MAGI2: variants seen among roughly 807,000 people sequenced by gnomAD.
MAGI2 encodes membrane-associated guanylate kinase, WW and PDZ domain-containing protein 2.
Under a neutral mutation model 133.3 loss-of-function variants are expected in MAGI2, and 35 were observed. That is an observed-to-expected ratio of 0.26 (90% confidence interval 0.20 to 0.35). MAGI2 has a LOEUF of 0.35. MAGI2 is among the 10% of genes least tolerant of loss of function. The pLI is 1.00. For missense variants in MAGI2, 1,636 were observed against 1,863.4 expected (o/e 0.88, Z 2.25); for synonymous variants, 729 against 710.6 (o/e 1.03, Z -0.41).
chr7:78,324,891 G>A (rs146571741), intron 9 of MAGI2, among the ~76,000 whole-genome samples: 2,143 of 152,184 alleles, frequency 0.014, 65 homozygotes, highest in African/African-American at 0.049. Context: ...GCTTGAACCC[G>A]GGAGGCAGAG....
chr7:79,157,677 A>G (rs975680335), intron 1 of MAGI2, among the ~76,000 whole-genome samples: 5 of 152,046 alleles, frequency 3.3e-5, no homozygotes, highest in Admixed American at 1.3e-4. Flanking sequence ...GAGTTTGTAT[A>G]AAATGGAAGT....
In MAGI2 at chr7:78,973,796, C is replaced by T. The variant is rs575766184; in HGVS notation, c.418+33294G>A. Among the ~76,000 whole-genome samples, 24 of 151,912 alleles carry T rather than the reference C, an allele frequency of 1.6e-4. No individual in the cohort carries two copies. In the South Asian group the frequency reaches 4.8e-3, roughly 30 times the overall value. ...GCTGTATGCTCGTAGCTTGAAATCA[C>T]AGATTGCAAGGCATTTCTCAATTTT... On this transcript the variant is annotated intron_variant, in intron 2 of 21. Transcript: ENST00000354212.
intron 1 of MAGI2, among the ~76,000 whole-genome samples, chr7:79,327,315 C>A (rs1361734407): frequency 6.6e-6 from 1 of 152,142 alleles, no homozygotes; most frequent in Non-Finnish European, 1.5e-5. Context: ...AGCATATAAA[C>A]TCTTCTCTTA....
intron 2 of MAGI2, among the ~76,000 whole-genome samples, chr7:78,987,500 T>C (rs111501274): frequency 4.3e-4 from 65 of 152,156 alleles, no homozygotes; most frequent in African/African-American, 1.5e-3. Flanking sequence ...TAAAAAACAC[T>C]GTGGTACTTT....
chr7:79,096,864 A>G (rs1288411868), intron 1 of MAGI2, among the ~76,000 whole-genome samples: 2 of 152,166 alleles, frequency 1.3e-5, no homozygotes, highest in African/African-American at 2.4e-5. Context: ...ACTCCAGATG[A>G]TCCCAAACTA....
chr7:78,966,935 T>C (rs1045560987), intron 2 of MAGI2, among the ~76,000 whole-genome samples: 1 of 151,724 alleles, frequency 6.6e-6, no homozygotes, highest in African/African-American at 2.4e-5. Context: ...TGTCTCTTTT[T>C]ATTTATTTTT....
At chr7:79,338,099 C>T (rs1840575047) in intron 1 of MAGI2, among the ~76,000 whole-genome samples, 1 of 152,098 alleles carries the variant, frequency 6.6e-6, no homozygotes, top group Admixed American at 6.6e-5. Context: ...AATACTTTTG[C>T]ACTTTTGGAT....
intron 3 of MAGI2, among the ~76,000 whole-genome samples, chr7:78,585,059 A>G (rs1398785633): frequency 1.3e-5 from 2 of 152,186 alleles, no homozygotes; most frequent in Non-Finnish European, 2.9e-5. Context: ...CTATTTTCAC[A>G]TAGGATAAAA....
intron 2 of MAGI2, among the ~76,000 whole-genome samples, chr7:78,733,579 C>G (rs537222177): frequency 1.3e-5 from 2 of 152,106 alleles, no homozygotes; most frequent in East Asian, 3.9e-4. Flanking sequence ...TCAGTGAAAT[C>G]AATAATTTAT....
chr7:79,252,468 T>C (rs965743939), intron 1 of MAGI2, among the ~76,000 whole-genome samples: 3 of 151,146 alleles, frequency 2.0e-5, no homozygotes, highest in African/African-American at 7.3e-5. Flanking sequence ...GTGAGAGGAG[T>C]GGTAGGAAGG....
chr7:79,064,954 C>G (rs1814153538), intron 1 of MAGI2, among the ~76,000 whole-genome samples: 1 of 151,990 alleles, frequency 6.6e-6, no homozygotes, highest in Admixed American at 6.6e-5. Flanking sequence ...GTGTAATACC[C>G]TAATTATTGG....
chr7:78,173,506 A>T (rs1044118662), intron 14 of MAGI2, among the ~76,000 whole-genome samples: 1 of 152,190 alleles, frequency 6.6e-6, no homozygotes, highest in Admixed American at 6.5e-5. Flanking sequence ...GGGTCCAATA[A>T]ATTCAGAATT....
chr7:78,145,781 G>A (rs867462713), intron 16 of MAGI2, among the ~76,000 whole-genome samples: 4 of 152,252 alleles, frequency 2.6e-5, no homozygotes, highest in Middle Eastern at 3.4e-3. Flanking sequence ...GGACTAAGAT[G>A]GCTACCTCCT....
chr7:78,031,035 A>G (rs1340684581), intron 21 of MAGI2, among the ~76,000 whole-genome samples: 1 of 152,250 alleles, frequency 6.6e-6, no homozygotes, highest in Non-Finnish European at 1.5e-5. Context: ...CTCAGCTATG[A>G]GATGGAACAA....
intron 1 of MAGI2, among the ~76,000 whole-genome samples, chr7:79,133,204 T>C (rs1021470674): frequency 1.3e-5 from 2 of 152,226 alleles, no homozygotes; most frequent in African/African-American, 4.8e-5. Context: ...TTTGGTGTCT[T>C]AGTCATGAAT....
rs1283255899 is a variant in MAGI2, at chr7:78,591,703, C to G, written c.538+35417G>C. Among the ~76,000 whole-genome samples, 7 of 152,314 alleles carry G rather than the reference C, an allele frequency of 4.6e-5. No homozygotes were observed. The East Asian group carries it at 1.4e-3, about 29-fold the overall frequency. The stretch of plus-strand genomic sequence containing the variant: ...AATTGAGTCTGGCTCCTCACCCACT[C>G]TCCCTAAAATGAGGCCATCAATGTG... On this transcript the variant is annotated intron_variant, in intron 3 of 21. Coordinates refer to ENST00000354212, the MANE Select transcript of MAGI2 (RefSeq NM_012301.4).
At chr7:78,406,446 C>T (rs1355248541) in intron 6 of MAGI2, among the ~76,000 whole-genome samples, 1 of 151,934 alleles carries the variant, frequency 6.6e-6, no homozygotes, top group Non-Finnish European at 1.5e-5. Context: ...CATATTTTCC[C>T]CTTTGGACTA....
At chr7:79,038,336 T>C (rs1417919828) in intron 1 of MAGI2, among the ~76,000 whole-genome samples, 1 of 152,176 alleles carries the variant, frequency 6.6e-6, no homozygotes, top group Non-Finnish European at 1.5e-5. Context: ...TTTTAATTCA[T>C]GTATTTTTTT....
At chr7:78,660,127 TG>T (rs1812779302) in intron 2 of MAGI2, among the ~76,000 whole-genome samples, 1 of 20,066 alleles carries the variant, frequency 5.0e-5, no homozygotes, top group East Asian at 1.2e-3. Flanking sequence ...TGTTGTGGGG[TG>T]GGGGGAGGTG....
Sources: gnomAD v4.1 joint callset for allele counts (sites outside exome capture counted in the v4.1 genomes callset) on GRCh38, gnomAD v4.1.1 for gene constraint, MANE v1.5 for transcripts, NCBI Gene and HGNC (gene_info 2026-07-23, HGNC 2026-07-21) for gene names.